NRXN3: variants seen among roughly 807,000 people sequenced by gnomAD.
NRXN3 encodes neurexin III.
Under a neutral mutation model 137.6 loss-of-function variants are expected in NRXN3, and 32 were observed. That is an observed-to-expected ratio of 0.23 (90% CI 0.18 to 0.31). The LOEUF is 0.31. Among genes scored for constraint, NRXN3 ranks in the 10% least tolerant of loss-of-function variants. The probability of loss-of-function intolerance (pLI) is 1.00; values close to 1 mark genes in which losing one functional copy is unlikely to be tolerated. For missense variants in NRXN3, 1,574 were observed against 2,062.5 expected, an observed-to-expected ratio of 0.76 and a Z score of 4.59; for synonymous variants, 798 against 784.5, an observed-to-expected ratio of 1.02 and a Z score of -0.29.
At chr14:78,643,223 G>A (rs1463016183) in intron 4 of NRXN3, among the ~76,000 whole-genome samples, 1 of 152,186 alleles carries the variant, frequency 6.6e-6, no homozygotes, top group East Asian at 1.9e-4. Flanking sequence ...TTTACCTGGG[G>A]CTGTAATGGT....
At chr14:78,261,399 T>A (rs902666957) in intron 2 of NRXN3, among the ~76,000 whole-genome samples, 2 of 152,194 alleles carry the variant, frequency 1.3e-5, no homozygotes, top group African/African-American at 4.8e-5. Flanking sequence ...TCTTATTCCA[T>A]CTCATTGGCC....
intron 19 of NRXN3, among the ~76,000 whole-genome samples, chr14:79,801,827 A>AG (rs2099182495): frequency 1.3e-5 from 2 of 151,626 alleles, no homozygotes; most frequent in East Asian, 3.9e-4. Flanking sequence ...AGGTGGAAAA[A>AG]GGGGGTCAGA....
At chr14:78,448,749 C>G (rs907449834) in intron 4 of NRXN3, among the ~76,000 whole-genome samples, 6 of 152,178 alleles carry the variant, frequency 3.9e-5, no homozygotes, top group African/African-American at 1.2e-4. Flanking sequence ...TAGCTCTCCT[C>G]CGCATTTTGT....
intron 10 of NRXN3, among the ~76,000 whole-genome samples, chr14:78,920,170 A>G (rs1337931289): frequency 6.6e-6 from 1 of 152,152 alleles, no homozygotes; most frequent in Non-Finnish European, 1.5e-5. Context: ...GTCCCCACTC[A>G]GAGACTCACG....
intron 10 of NRXN3, among the ~76,000 whole-genome samples, chr14:78,931,564 C>G (rs757426302): frequency 2.0e-5 from 3 of 151,970 alleles, no homozygotes; most frequent in Non-Finnish European, 4.4e-5. Context: ...TATTAATAGT[C>G]CCATTTTACA....
At chr14:79,257,681 T>G (rs1476492285) in intron 15 of NRXN3, among the ~76,000 whole-genome samples, 1 of 150,094 alleles carries the variant, frequency 6.7e-6, no homozygotes, top group Non-Finnish European at 1.5e-5. Context: ...TGTGGGAATG[T>G]GTTTGTGCAT....
intron 17 of NRXN3, among the ~76,000 whole-genome samples, chr14:79,687,763 AC>A (rs1310908366): frequency 6.6e-6 from 1 of 151,992 alleles, no homozygotes; most frequent in Non-Finnish European, 1.5e-5. Context: ...AATTGGCAGA[AC>A]CTTTAAGCCA....
intron 16 of NRXN3, among the ~76,000 whole-genome samples, chr14:79,523,942 C>T (rs2097094865): frequency 6.6e-6 from 1 of 152,140 alleles, no homozygotes; most frequent in South Asian, 2.1e-4. Context: ...TCCTTGTGCC[C>T]TGAAGTTTCA....
At chr14:78,526,717 G>T (rs537791245) in intron 4 of NRXN3, 1 of 515,370 alleles carries the variant, frequency 1.9e-6, no homozygotes, top group Non-Finnish European at 3.9e-6. Flanking sequence ...TATTATCTTT[G>T]TACAATAATC....
At chr14:79,626,101 T>G (rs2098278816) in intron 16 of NRXN3, among the ~76,000 whole-genome samples, 1 of 152,234 alleles carries the variant, frequency 6.6e-6, no homozygotes, top group Non-Finnish European at 1.5e-5. Flanking sequence ...TAGTTCATTT[T>G]CATGTCTCTG....
intron 10 of NRXN3, among the ~76,000 whole-genome samples, chr14:78,863,042 C>G (rs2099077029): frequency 1.3e-5 from 2 of 152,092 alleles, no homozygotes; most frequent in Admixed American, 1.3e-4. Context: ...TTCTGATATG[C>G]CTATAGGGCT....
chr14:78,934,358 C>A (rs1244370512), intron 10 of NRXN3, among the ~76,000 whole-genome samples: 4 of 152,052 alleles, frequency 2.6e-5, no homozygotes, highest in Non-Finnish European at 4.4e-5. Context: ...ACAATGCTTC[C>A]AGCTCAGTCA....
At chr14:79,740,743 T>TATATATATATATATAA (rs2098959956) in intron 19 of NRXN3, among the ~76,000 whole-genome samples, 5 of 48,262 alleles carry the variant, frequency 1.0e-4, no homozygotes, top group Non-Finnish European at 4.5e-5. Flanking sequence ...TATATATATA[T>TATATATATATATATAA]ATATATATAT....
intron 6 of NRXN3, among the ~76,000 whole-genome samples, chr14:78,705,201 T>C (rs989592992): frequency 1.3e-5 from 2 of 152,224 alleles, no homozygotes; most frequent in Non-Finnish European, 2.9e-5. Context: ...CAAGGCTGCT[T>C]TCTGTCATTT....
chr14:79,232,098 A>G (rs895082068), intron 15 of NRXN3, among the ~76,000 whole-genome samples: 2 of 152,148 alleles, frequency 1.3e-5, no homozygotes, highest in African/African-American at 4.8e-5. Context: ...TGAGGCTAAA[A>G]CATAAATAAT....
intron 15 of NRXN3, among the ~76,000 whole-genome samples, chr14:79,426,104 G>A (rs2095651320): frequency 6.6e-6 from 1 of 152,104 alleles, no homozygotes. Context: ...TCTCAACCTG[G>A]CAGGAGAGGC....
At chr14:79,684,206 TTAATGAGATA>T (rs1168955784) in intron 17 of NRXN3, among the ~76,000 whole-genome samples, 1 of 152,046 alleles carries the variant, frequency 6.6e-6, no homozygotes, top group Non-Finnish European at 1.5e-5. Context: ...AAGAATACAT[TTAATGAGATA>T]TAAATACCTG....
At chr14:79,793,600 G>C (rs748756652) in intron 19 of NRXN3, among the ~76,000 whole-genome samples, 27 of 152,236 alleles carry the variant, frequency 1.8e-4, no homozygotes, top group Admixed American at 3.3e-4. Context: ...TATATAATTT[G>C]TGGAAACCAA....
At chr14:78,633,696 C>A (rs1434780738) in intron 4 of NRXN3, among the ~76,000 whole-genome samples, 1 of 152,242 alleles carries the variant, frequency 6.6e-6, no homozygotes, top group Non-Finnish European at 1.5e-5. Flanking sequence ...TGCACCTCCG[C>A]ATTGGCAAAT....
Sources: allele counts gnomAD v4.1 joint callset (sites outside exome capture counted in the v4.1 genomes callset), GRCh38; gene constraint gnomAD v4.1.1; transcripts MANE v1.5; gene names NCBI Gene and HGNC (gene_info 2026-07-23, HGNC 2026-07-21).